Variants in DAB1 observed in about 807,000 individuals in gnomAD.
DAB1 encodes the protein disabled homolog 1.
A neutral mutation model predicts 64.6 loss-of-function variants in DAB1; 15 were observed. That is an observed-to-expected ratio of 0.23 (90% confidence interval 0.16 to 0.36). The LOEUF (loss-of-function observed/expected upper bound fraction) is 0.36, where lower values mean the gene tolerates loss of function less well. DAB1 is among the 10% of genes least tolerant of loss of function. DAB1 has a pLI of 1.00. For missense variants in DAB1, 596 were observed against 706.7 expected, an observed-to-expected ratio of 0.84 and a Z score of 1.78; for synonymous variants, 235 against 251.9, an observed-to-expected ratio of 0.93 and a Z score of 0.64.
chr1:58,395,217 G>T (rs991363881), intron 3 of DAB1, among the ~76,000 whole-genome samples: 1 of 152,102 alleles, frequency 6.6e-6, no homozygotes, highest in Non-Finnish European at 1.5e-5. Context: ...ATGGAGAATG[G>T]GGTTCAGTGG....
intron 5 of DAB1, among the ~76,000 whole-genome samples, chr1:58,125,674 A>AG (rs1189619859): frequency 6.6e-6 from 1 of 152,204 alleles, no homozygotes; most frequent in African/African-American, 2.4e-5. Context: ...TTGAACTCCT[A>AG]GGCTCAAACA....
chr1:57,535,509 C>T (rs913205922), intron 7 of DAB1, among the ~76,000 whole-genome samples: 15 of 133,506 alleles, frequency 1.1e-4, no homozygotes, highest in Admixed American at 4.4e-4. Flanking sequence ...CTTGCTCTGT[C>T]GCCAGACTGG....
At chr1:57,646,185 C>A (rs1460521188) in intron 7 of DAB1, among the ~76,000 whole-genome samples, 8 of 151,996 alleles carry the variant, frequency 5.3e-5, no homozygotes, top group Non-Finnish European at 1.2e-4. Context: ...AAATGAATAA[C>A]CAATAGCTCA....
chr1:57,602,029 T>C (rs1289992286), intron 7 of DAB1, among the ~76,000 whole-genome samples: 1 of 152,250 alleles, frequency 6.6e-6, no homozygotes, highest in African/African-American at 2.4e-5. Context: ...AAGTCTCGTA[T>C]AGCTTTATAG....
downstream of DAB1, among the ~76,000 whole-genome samples, chr1:57,825,760 G>T (rs987825): frequency 9.1e-3 from 1,389 of 152,218 alleles, 21 homozygotes; most frequent in African/African-American, 0.032. Context: ...CTGGGACCTG[G>T]TGTATAGTAA....
chr1:57,945,065 G>A (rs936504347), intron 5 of DAB1, among the ~76,000 whole-genome samples: 1 of 152,084 alleles, frequency 6.6e-6, no homozygotes, highest in Admixed American at 6.6e-5. Context: ...TGAATGTGTT[G>A]GTCCCTCCCA....
chr1:57,177,235 A>T (rs1354630722), intron 2 of DAB1, among the ~76,000 whole-genome samples: 1 of 152,072 alleles, frequency 6.6e-6, no homozygotes, highest in Non-Finnish European at 1.5e-5. Context: ...TCTTGTCACT[A>T]TTCTAAAATT....
At chr1:57,924,235 T>C (rs1388135948) in intron 5 of DAB1, among the ~76,000 whole-genome samples, 1 of 152,224 alleles carries the variant, frequency 6.6e-6, no homozygotes, top group East Asian at 1.9e-4. Context: ...CTCAAGGAGC[T>C]GACTATCGGA....
intron 7 of DAB1, among the ~76,000 whole-genome samples, chr1:57,561,038 A>T (rs1645044279): frequency 6.6e-6 from 1 of 152,172 alleles, no homozygotes; most frequent in Admixed American, 6.5e-5. Context: ...TGGAAGTGGT[A>T]TGTATGTGAT....
At chr1:58,095,866 C>T (rs1422259406) in intron 5 of DAB1, among the ~76,000 whole-genome samples, 1 of 152,134 alleles carries the variant, frequency 6.6e-6, no homozygotes, top group Non-Finnish European at 1.5e-5. Context: ...ATGTAAGTCC[C>T]TGGTGGTCAG....
At chr1:57,420,913 G>A (rs1344529191) in intron 1 of DAB1, among the ~76,000 whole-genome samples, 2 of 152,180 alleles carry the variant, frequency 1.3e-5, no homozygotes, top group Non-Finnish European at 2.9e-5. Context: ...TGCCATCTAA[G>A]AGACATAAAC....
intron 1 of DAB1, among the ~76,000 whole-genome samples, chr1:57,845,537 T>C (rs1402366220): frequency 6.6e-6 from 1 of 152,230 alleles, no homozygotes; most frequent in Non-Finnish European, 1.5e-5. Flanking sequence ...TCCTAGCTAT[T>C]GTTCAGCTTG....
chr1:58,366,547 T>C (rs1178471013), intron 3 of DAB1, among the ~76,000 whole-genome samples: 1 of 152,204 alleles, frequency 6.6e-6, no homozygotes, highest in Non-Finnish European at 1.5e-5. Context: ...GAAGAATACA[T>C]GGTCCCAGGA....
chr1:57,307,939 C>G lies in DAB1; in HGVS notation c.-136-16773G>C, dbSNP rs552591188. On this transcript the variant is annotated intron_variant, in intron 1 of 14. Transcript: ENST00000371236. ...CATCTGCTGAATCTAGACTACACCT[C>G]CTGTCCAATCTGTTGAATCTCTGCA... Among the ~76,000 whole-genome samples the G allele has an allele frequency of 9.8e-5, 15 of 152,306 alleles. No individual in the cohort carries two copies. In the South Asian group the frequency reaches 3.1e-3, roughly 32 times the overall value.
At chr1:57,820,985 G>A (rs768627471) in intron 6 of DAB1, among the ~76,000 whole-genome samples, 4 of 151,898 alleles carry the variant, frequency 2.6e-5, no homozygotes, top group Non-Finnish European at 4.4e-5. Context: ...CTTTTCCTTC[G>A]CAAACCTCTA....
At chr1:57,910,273 G>A (rs1644621774) in intron 5 of DAB1, among the ~76,000 whole-genome samples, 1 of 152,136 alleles carries the variant, frequency 6.6e-6, no homozygotes, top group East Asian at 1.9e-4. Flanking sequence ...TTGAGCCACA[G>A]CATCTGGTCC....
intron 5 of DAB1, among the ~76,000 whole-genome samples, chr1:58,011,821 G>T (rs1386253183): frequency 3.3e-5 from 5 of 152,046 alleles, no homozygotes; most frequent in African/African-American, 1.2e-4. Context: ...CTCCCAAGTA[G>T]CTGGGATTAT....
chr1:57,969,982 T>A (rs927918538), intron 5 of DAB1, among the ~76,000 whole-genome samples: 2 of 152,124 alleles, frequency 1.3e-5, no homozygotes, highest in East Asian at 3.9e-4. Flanking sequence ...CCTTTATAAA[T>A]GGAATTCACG....
At position 57,445,928 on chromosome 1, in the gene DAB1, A is replaced by G. The variant is rs146546945; in HGVS notation, n.626-154762T>C. Among the ~76,000 whole-genome samples the G allele has an allele frequency of 4.1e-3, 621 of 152,286 alleles. 3 individuals carry two copies. Among genetic ancestry groups the G allele is most frequent in the Middle Eastern group, 6.8e-3 (2 of 294 alleles). ...TACATAATGAAAAAAAACTGCATCT[A>G]TTTCTATCAGTACAAAAGGAGTATT... On this transcript the variant is annotated intron_variant and non_coding_transcript_variant, in intron 7 of 20. Transcript: ENST00000485760.
Sources: gnomAD v4.1 joint callset for allele counts (sites outside exome capture counted in the v4.1 genomes callset) on GRCh38, gnomAD v4.1.1 for gene constraint, MANE v1.5 for transcripts, NCBI Gene and HGNC (gene_info 2026-07-23, HGNC 2026-07-21) for gene names.